BIRC6: variants seen among roughly 807,000 people sequenced by gnomAD.
The protein encoded by BIRC6 is baculoviral IAP repeat containing 6.
A neutral mutation model predicts 503.3 loss-of-function variants in BIRC6; 98 were observed. That is an observed-to-expected ratio of 0.19 (90% CI 0.17 to 0.23). The LOEUF is 0.23. BIRC6 is among the 10% of genes least tolerant of loss of function. The pLI, the probability that BIRC6 is intolerant of heterozygous loss-of-function variation, is 1.00. For missense variants in BIRC6, 5,360 were observed against 5,806.0 expected, an observed-to-expected ratio of 0.92 and a Z score of 2.50; for synonymous variants, 2,240 against 2,078.7, an observed-to-expected ratio of 1.08 and a Z score of -2.11.
At chr2:32,421,990 T>G (rs2042996416) in intron 10 of BIRC6, among the ~76,000 whole-genome samples, 1 of 152,232 alleles carries the variant, frequency 6.6e-6, no homozygotes, top group African/African-American at 2.4e-5. Flanking sequence ...CACTTGACTT[T>G]TGGCTCTTTT....
At chr2:32,577,025 C>T (rs1488571668) in intron 66 of BIRC6, among the ~76,000 whole-genome samples, 1 of 151,626 alleles carries the variant, frequency 6.6e-6, no homozygotes, top group Non-Finnish European at 1.5e-5. Context: ...ATCTTGTGGC[C>T]CCCCCCAGAA....
At chr2:32,517,728 C>T (rs1048193457) in intron 55 of BIRC6, among the ~76,000 whole-genome samples, 2 of 149,546 alleles carry the variant, frequency 1.3e-5, no homozygotes, top group African/African-American at 5.0e-5. Flanking sequence ...CACATGCCAC[C>T]ATGCCCAGCT....
In BIRC6 at chr2:32,513,370, C is replaced by G. The variant is rs942229004; in HGVS notation, c.10568+216C>G. ...AGCAGTACTGCCTTCTTTTTTTTAA[C>G]CTAAAATTATGCTTAATGTAGATGT... On this transcript the variant is annotated intron_variant, in intron 54 of 73. Transcript: ENST00000421745. 2.6e-5 allele frequency among the ~76,000 whole-genome samples: 4 copies of G among 152,080 alleles called. No homozygotes were observed. In the South Asian group the frequency reaches 6.2e-4, roughly 24 times the overall value.
intron 61 of BIRC6, among the ~76,000 whole-genome samples, chr2:32,539,414 A>G (rs1297529793): frequency 2.0e-5 from 3 of 152,242 alleles, no homozygotes; most frequent in Admixed American, 6.5e-5. Flanking sequence ...AAAGAAAGAT[A>G]GACAGTATGC....
chr2:32,476,448 G>A, intron 34 of BIRC6, 104 bp downstream of exon 34: 1 of 1,255,394 alleles, frequency 8.0e-7, no homozygotes, highest in Non-Finnish European at 1.1e-6. Context: ...GCTTAACAGA[G>A]AAGCCAACCT....
At chr2:32,481,146 A>G (rs1321275248) in intron 37 of BIRC6, among the ~76,000 whole-genome samples, 174 bp from the exon 38 acceptor site, 1 of 152,110 alleles carries the variant, frequency 6.6e-6, no homozygotes, top group Non-Finnish European at 1.5e-5. Context: ...GCAAATATCA[A>G]TGAATCTTTG....
rs574882849 is a variant in BIRC6 at position 32,487,933 on chromosome 2, G to C, written c.7968+132G>C. On this transcript the variant is annotated intron_variant, in intron 41 of 73. Transcript: ENST00000421745. ...ATTATATTCAGTTGGAAAAATATTAGAAATACTTTGATTACCAAAGTAATC... is the reference window on the plus strand; with the variant it reads ...ATTATATTCAGTTGGAAAAATATTACAAATACTTTGATTACCAAAGTAATC... 25 of 709,230 alleles carry C rather than the reference G, an allele frequency of 3.5e-5. No individual in the cohort carries two copies. In the East Asian group the frequency reaches 6.5e-4, roughly 18 times the overall value. 43.9% of individuals were successfully genotyped at this position (709,230 alleles called of 1,614,324 possible). A position where few individuals can be genotyped will look rare whatever the true frequency, so the allele number is the denominator to read the frequency against.
intron 5 of BIRC6, among the ~76,000 whole-genome samples, chr2:32,394,595 G>A (rs2039641376): frequency 6.6e-6 from 1 of 152,128 alleles, no homozygotes; most frequent in South Asian, 2.1e-4. Flanking sequence ...ACTTAGGGAG[G>A]CCAAGGCAGG....
chr2:32,615,582 T>C (rs181311042), intron 73 of BIRC6, among the ~76,000 whole-genome samples: 10 of 152,318 alleles, frequency 6.6e-5, no homozygotes, highest in Admixed American at 2.0e-4. Context: ...TGTAAATAAA[T>C]GTTGTTTAAT....
chr2:32,482,330 A>G, intron 38 of BIRC6, 99 bp from the exon 39 acceptor site: 1 of 1,159,160 alleles, frequency 8.6e-7, no homozygotes, highest in Non-Finnish European at 1.2e-6. Context: ...TGGATAGAAT[A>G]TTTATTTTGT....
intron 1 of BIRC6, among the ~76,000 whole-genome samples, chr2:32,367,433 G>A (rs2035110924): frequency 6.6e-6 from 1 of 151,578 alleles, no homozygotes; most frequent in African/African-American, 2.4e-5. Flanking sequence ...ATTGCAATCC[G>A]GCCAGGGCAA....
intron 10 of BIRC6, among the ~76,000 whole-genome samples, chr2:32,419,921 C>T (rs1007377440): frequency 1.1e-4 from 17 of 152,146 alleles, no homozygotes; most frequent in Admixed American, 5.9e-4. Flanking sequence ...TAGGAATGAA[C>T]GTCATATTTT....
At chr2:32,384,790 C>T (rs1373583760) in intron 3 of BIRC6, among the ~76,000 whole-genome samples, 1 of 152,162 alleles carries the variant, frequency 6.6e-6, no homozygotes, top group African/African-American at 2.4e-5. Flanking sequence ...GTCCATTGAG[C>T]AAGCACTGGA....
chr2:32,593,647 G>A (rs2061512056), intron 66 of BIRC6, among the ~76,000 whole-genome samples: 1 of 152,084 alleles, frequency 6.6e-6, no homozygotes, highest in African/African-American at 2.4e-5. Flanking sequence ...AATTATGTGT[G>A]TTTTTAAAAG....
chr2:32,514,249 A>G (rs1311206727), intron 54 of BIRC6, among the ~76,000 whole-genome samples: 1 of 152,080 alleles, frequency 6.6e-6, no homozygotes, highest in East Asian at 1.9e-4. Context: ...TGAACCCAGG[A>G]GTTAGAGCCC....
chr2:32,501,986 A>G, intron 47 of BIRC6, 98 bp downstream of exon 47: 1 of 1,160,678 alleles, frequency 8.6e-7, no homozygotes, highest in Non-Finnish European at 1.2e-6. Flanking sequence ...TATTTATTAT[A>G]TATCGGACAA....
intron 1 of BIRC6, among the ~76,000 whole-genome samples, chr2:32,371,417 C>T (rs1209291867): frequency 6.6e-6 from 1 of 151,524 alleles, no homozygotes; most frequent in Non-Finnish European, 1.5e-5. Flanking sequence ...CTCTGTTGCC[C>T]AGGCTGGAGA....
At chr2:32,580,590 T>C (rs2060607454) in intron 66 of BIRC6, among the ~76,000 whole-genome samples, 1 of 152,146 alleles carries the variant, frequency 6.6e-6, no homozygotes, top group African/African-American at 2.4e-5. Context: ...TTAAAAGTAA[T>C]GTTGAGCCAC....
chr2:32,413,235 C>T (rs2042077798), intron 9 of BIRC6, among the ~76,000 whole-genome samples: 1 of 147,062 alleles, frequency 6.8e-6, no homozygotes, highest in Admixed American at 7.0e-5. Context: ...GGCTGTGGTG[C>T]AATGGTGCGG....
Sources: allele counts gnomAD v4.1 joint callset (sites outside exome capture counted in the v4.1 genomes callset), GRCh38; gene constraint gnomAD v4.1.1; transcripts MANE v1.5; gene names NCBI Gene and HGNC (gene_info 2026-07-23, HGNC 2026-07-21).